The following CHN2 variants were observed in gnomAD, a reference collection of about 807,000 sequenced individuals.
CHN2 encodes chimerin 2.
CHN2 carries 35 observed loss-of-function variants against 56.3 expected under a neutral mutation model. The observed-to-expected ratio is 0.62, with a 90% CI of 0.47 to 0.82. The LOEUF (loss-of-function observed/expected upper bound fraction) is 0.82, where lower values mean the gene tolerates loss of function less well. Among genes scored for constraint, CHN2 ranks in the 40% least tolerant of loss-of-function variants. CHN2 has a pLI of 0.00. For synonymous variants in CHN2, 210 were observed against 212.8 expected, an observed-to-expected ratio of 0.99 and a Z score of 0.12; for missense variants, 491 against 580.5, an observed-to-expected ratio of 0.85 and a Z score of 1.58.
At chr7:29,328,818 A>C (rs1191021195) in intron 1 of CHN2, among the ~76,000 whole-genome samples, 1 of 152,216 alleles carries the variant, frequency 6.6e-6, no homozygotes, top group Non-Finnish European at 1.5e-5. Context: ...TAAAATGACA[A>C]GTCGAGACAT....
intron 1 of CHN2, among the ~76,000 whole-genome samples, chr7:29,259,344 A>C (rs889291690): frequency 1.3e-5 from 2 of 151,724 alleles, no homozygotes; most frequent in African/African-American, 4.8e-5. Context: ...AAACCCAAAC[A>C]AACAAACATA....
rs954380222 is a variant in CHN2, at chr7:29,509,528, C to T, written c.1235+122C>T. 4.1e-5 allele frequency: 29 copies of T among 708,036 alleles called. 1 individual carries two copies. The Admixed American group carries it at 5.0e-4, about 12-fold the overall frequency. 43.9% of individuals were successfully genotyped at this position (708,036 alleles called of 1,614,324 possible). On this transcript the variant is annotated intron_variant, in intron 12 of 12. Transcript: ENST00000222792. ...GAGTTTCACTGTGCCAGGAACCACT[C>T]CAGGCACTTTCAGTGTATCATCCCT...
chr7:29,432,943 C>T (rs1440553657), intron 6 of CHN2, among the ~76,000 whole-genome samples: 1 of 152,196 alleles, frequency 6.6e-6, no homozygotes, highest in Non-Finnish European at 1.5e-5. Context: ...CGGCATTCTT[C>T]TGTTGGCGAC....
intron 6 of CHN2, among the ~76,000 whole-genome samples, chr7:29,443,066 G>A (rs1470688896): frequency 1.3e-5 from 2 of 148,958 alleles, no homozygotes; most frequent in Non-Finnish European, 1.5e-5. Flanking sequence ...TCAGCCTCCC[G>A]AGTAGCTGGG....
intron 2 of CHN2, among the ~76,000 whole-genome samples, chr7:29,155,939 C>T (rs779791166): frequency 2.3e-4 from 35 of 152,194 alleles, no homozygotes; most frequent in Middle Eastern, 3.2e-3. Context: ...GATCTAGAGA[C>T]GGCCACGTGC....
intron 1 of CHN2, among the ~76,000 whole-genome samples, chr7:29,198,224 A>G (rs1783897059): frequency 6.6e-6 from 1 of 152,226 alleles, no homozygotes. Flanking sequence ...ACAGAGGTGA[A>G]GTCAACATGG....
chr7:29,368,487 T>A (rs1799354686), intron 3 of CHN2, among the ~76,000 whole-genome samples: 1 of 152,202 alleles, frequency 6.6e-6, no homozygotes, highest in South Asian at 2.1e-4. Context: ...TAATCAGTTC[T>A]CTGATTGTGT....
intron 1 of CHN2, among the ~76,000 whole-genome samples, chr7:29,293,369 C>G (rs975452880): frequency 6.0e-5 from 7 of 116,176 alleles, no homozygotes; most frequent in Non-Finnish European, 1.4e-4. Flanking sequence ...AATGCCCCCC[C>G]CCCCCCCCAT....
chr7:29,468,159 C>T (rs530621967), intron 6 of CHN2, among the ~76,000 whole-genome samples: 57 of 127,570 alleles, frequency 4.5e-4, no homozygotes, highest in Non-Finnish European at 7.8e-4. Flanking sequence ...CCCCCCCGCC[C>T]GACTACCCAA....
intron 1 of CHN2, among the ~76,000 whole-genome samples, chr7:29,226,208 AT>A (rs1383317742): frequency 6.6e-6 from 1 of 152,226 alleles, no homozygotes; most frequent in Non-Finnish European, 1.5e-5. Context: ...GAAATTTAAC[AT>A]TTTAAAATGA....
rs761209183 is a variant in CHN2 at position 29,480,362 on chromosome 7, C to T, written c.654+6C>T. Reference sequence around the variant, plus strand: ...AGAAGACACACAACTTTAAGGTAAGCAAGCCTCTGCATTCCTTCTTCTGTT... The same window carrying T: ...AGAAGACACACAACTTTAAGGTAAGTAAGCCTCTGCATTCCTTCTTCTGTT... On this transcript the variant is annotated splice_donor_region_variant and intron_variant, in intron 7 of 12. Transcript: ENST00000222792. The T allele has an allele frequency of 1.2e-6, 2 of 1,613,340 alleles. No individual in the cohort carries two copies. The highest frequency in any genetic ancestry group is 4.5e-5 in the East Asian group (2 of 44,874).
chr7:29,472,561 G>A (rs1422627005), intron 6 of CHN2, among the ~76,000 whole-genome samples: 1 of 151,922 alleles, frequency 6.6e-6, no homozygotes, highest in Non-Finnish European at 1.5e-5. Flanking sequence ...CCAGACATAT[G>A]TTCAGGGAAT....
chr7:29,406,751 C>T (rs1304964954), intron 6 of CHN2, among the ~76,000 whole-genome samples: 4 of 152,248 alleles, frequency 2.6e-5, no homozygotes, highest in Non-Finnish European at 5.9e-5. Context: ...GGGTGCCCTC[C>T]GCCAATGTGT....
intron 6 of CHN2, among the ~76,000 whole-genome samples, chr7:29,446,570 A>G (rs1280809393): frequency 1.3e-5 from 2 of 152,196 alleles, no homozygotes; most frequent in Non-Finnish European, 2.9e-5. Context: ...GGCAGGGCCC[A>G]GGGGACTTTC....
At chr7:29,460,766 G>C (rs968623819) in intron 6 of CHN2, among the ~76,000 whole-genome samples, 1 of 152,238 alleles carries the variant, frequency 6.6e-6, no homozygotes, top group African/African-American at 2.4e-5. Context: ...GGAGGGAACA[G>C]AGCCCTGTCC....
rs1175429614 is a variant in CHN2 at position 29,233,825 on chromosome 7, ATTTTTT to A, written c.49+38856_49+38861del. Among the ~76,000 whole-genome samples, 28 of 53,198 alleles carry A rather than the reference ATTTTTT, an allele frequency of 5.3e-4. No homozygotes were observed. The South Asian group carries it at 0.015, about 28-fold the overall frequency. 34.9% of individuals were successfully genotyped at this position (53,198 alleles called of 152,430 possible). ...AGAATGCAGCCCTGCCAACACCTTG[ATTTTTT>A]TTTTTTTTTTTTTTTTTTTTGAGAT... On this transcript the variant is annotated intron_variant, in intron 1 of 12. Transcript: ENST00000222792.
At chr7:29,212,502 C>T in intron 1 of CHN2, 1 of 1,573,610 alleles carries the variant, frequency 6.4e-7, no homozygotes, top group South Asian at 1.1e-5. Context: ...AGCCCTGATT[C>T]TTCCACCAGT....
At chr7:29,359,549 T>G (rs184031338) in intron 2 of CHN2, among the ~76,000 whole-genome samples, 2 of 152,164 alleles carry the variant, frequency 1.3e-5, no homozygotes, top group Non-Finnish European at 2.9e-5. Context: ...TTTCCTTTTC[T>G]TAGAAAAGGA....
At chr7:29,190,385 G>C (rs772529062), upstream of CHN2, among the ~76,000 whole-genome samples, 31 of 152,304 alleles carry the variant, frequency 2.0e-4, no homozygotes, top group South Asian at 6.2e-4. Flanking sequence ...GTTTAGCACA[G>C]GGAAAGGGAA....
Sources: gnomAD v4.1 joint callset for allele counts (sites outside exome capture counted in the v4.1 genomes callset) on GRCh38, gnomAD v4.1.1 for gene constraint, MANE v1.5 for transcripts, NCBI Gene and HGNC (gene_info 2026-07-23, HGNC 2026-07-21) for gene names.